The following SUSD1 variants were observed in gnomAD, a reference collection of about 807,000 sequenced individuals.
SUSD1 encodes the protein sushi domain-containing protein 1.
A neutral mutation model predicts 86.9 loss-of-function variants in SUSD1; 65 were observed. The observed-to-expected ratio is 0.75, with a 90% CI of 0.61 to 0.92. The LOEUF (loss-of-function observed/expected upper bound fraction) is 0.92, where lower values mean the gene tolerates loss of function less well. Ranked by LOEUF, SUSD1 falls within the 40% of genes least tolerant of loss-of-function variation. The pLI is 0.00. For missense variants in SUSD1, 850 were observed against 929.7 expected (o/e 0.91, Z 1.11); for synonymous variants, 346 against 350.0 (o/e 0.99, Z 0.13).
intron 8 of SUSD1, among the ~76,000 whole-genome samples, chr9:112,110,734 CT>C (rs375078056): frequency 1.4e-3 from 208 of 145,100 alleles, no homozygotes; most frequent in Admixed American, 2.6e-3. Context: ...ATAACCAGAG[CT>C]TTTTTTTTTT....
At chr9:112,124,885 T>A (rs1346950232) in intron 5 of SUSD1, among the ~76,000 whole-genome samples, 3 of 152,204 alleles carry the variant, frequency 2.0e-5, no homozygotes, top group Non-Finnish European at 4.4e-5. Context: ...TCAACTTATA[T>A]GCATCTTTCA....
intron 10 of SUSD1, among the ~76,000 whole-genome samples, chr9:112,092,573 T>C (rs1830246225): frequency 6.6e-6 from 1 of 152,236 alleles, no homozygotes; most frequent in South Asian, 2.1e-4. Context: ...GAATTATTCT[T>C]AACCTTATTC....
intron 5 of SUSD1, among the ~76,000 whole-genome samples, chr9:112,140,031 G>T (rs1279059492): frequency 1.3e-5 from 2 of 151,950 alleles, no homozygotes; most frequent in Non-Finnish European, 2.9e-5. Flanking sequence ...TTCAAGACCA[G>T]CCTGGGCAAC....
chr9:112,142,103 T>C (rs575377398), intron 5 of SUSD1, among the ~76,000 whole-genome samples: 1 of 151,734 alleles, frequency 6.6e-6, no homozygotes, highest in South Asian at 2.1e-4. Context: ...ATAACTATTA[T>C]AAAGAAAGAA....
chr9:112,148,415 G>A (rs992807431), intron 3 of SUSD1, among the ~76,000 whole-genome samples: 3 of 152,074 alleles, frequency 2.0e-5, no homozygotes, highest in African/African-American at 4.8e-5. Context: ...CTCACTCAGC[G>A]CACACATGTG....
At chr9:112,162,310 C>G (rs1347052340) in intron 1 of SUSD1, among the ~76,000 whole-genome samples, 1 of 152,154 alleles carries the variant, frequency 6.6e-6, no homozygotes, top group Non-Finnish European at 1.5e-5. Context: ...GAGGGAAACT[C>G]AAATTTCTAT....
chr9:112,173,911 T>C lies in SUSD1; in HGVS notation c.103+1222A>G, dbSNP rs1361114992. 1.1e-5 allele frequency: 3 copies of C among 261,878 alleles called. No homozygotes were observed. The Admixed American group carries it at 1.4e-4, about 12-fold the overall frequency. The allele number at this position is 261,878 out of a possible 1,614,324, so 16.2% of individuals were successfully genotyped here. A position where few individuals can be genotyped will look rare whatever the true frequency, so the allele number is the denominator to read the frequency against. ...TATCTTTGTGATCCGGGTTTCATGATGCCGTTTCTGTGCCATTTTCGGGAC... is the reference window on the plus strand; with the variant it reads ...TATCTTTGTGATCCGGGTTTCATGACGCCGTTTCTGTGCCATTTTCGGGAC... On this transcript the variant is annotated intron_variant, in intron 1 of 16. Coordinates refer to ENST00000374270, the MANE Select transcript of SUSD1 (RefSeq NM_022486.5).
At chr9:112,115,824 G>GAAAAAAAAAGAAAAA (rs1554766278) in intron 6 of SUSD1, among the ~76,000 whole-genome samples, 2 of 120,950 alleles carry the variant, frequency 1.7e-5, no homozygotes, top group Admixed American at 9.9e-5. Flanking sequence ...AAAAAAAAAA[G>GAAAAAAAAAGAAAAA]AAAAAAAAAA....
intron 10 of SUSD1, among the ~76,000 whole-genome samples, chr9:112,088,979 T>TCA (rs781250973): frequency 7.2e-5 from 11 of 152,210 alleles, no homozygotes; most frequent in Non-Finnish European, 1.6e-4. Context: ...CAGTGGCTTA[T>TCA]GCCTCTAGTC....
chr9:112,108,774 C>CAAAAA (rs11312103), intron 8 of SUSD1, among the ~76,000 whole-genome samples: 4 of 68,584 alleles, frequency 5.8e-5, no homozygotes, highest in Admixed American at 1.8e-4. Flanking sequence ...CTGGGTGTCT[C>CAAAAA]AAAAAAAAAA....
Position 112,124,346 on chromosome 9 carries a change from C to T in SUSD1, c.797G>A (p.Cys266Tyr). The change falls in exon 6 of 17, where the codon TGT becomes TAT. Residue 266 changes from cysteine (C) to tyrosine (Y), a missense_variant. Cys to Tyr is a radical substitution (Grantham distance 194, BLOSUM62 -2). Coordinates refer to ENST00000374270, the MANE Select transcript of SUSD1 (RefSeq NM_022486.5). ...SRLGGVARYV[C>Y]QEGFESPGGK... Reference sequence around the variant, plus strand: ...TCCAGGGCTCTCAAAGCCCTCTTGACAGACATAGCGAGCCACACCGCCCAG... The same window carrying T: ...TCCAGGGCTCTCAAAGCCCTCTTGATAGACATAGCGAGCCACACCGCCCAG... 1.9e-6 allele frequency: 3 copies of T among 1,614,182 alleles called. No homozygotes were observed. The highest frequency in any genetic ancestry group is 2.5e-6 in the Non-Finnish European group (3 of 1,180,012).
At chr9:112,142,571 C>T (rs1034680363) in intron 4 of SUSD1, 72 bp from the exon 5 acceptor site, 6 of 1,462,990 alleles carry the variant, frequency 4.1e-6, no homozygotes, top group Middle Eastern at 2.2e-4. Flanking sequence ...CTCTCTCCAC[C>T]TCTACCCTAT....
At chr9:112,172,282 C>A (rs1157579072) in intron 1 of SUSD1, among the ~76,000 whole-genome samples, 1 of 152,160 alleles carries the variant, frequency 6.6e-6, no homozygotes, top group African/African-American at 2.4e-5. Flanking sequence ...CACCCTCTCT[C>A]CTCTACTAGC....
chr9:112,099,732 A>G (rs971851861), intron 9 of SUSD1, among the ~76,000 whole-genome samples: 3 of 152,164 alleles, frequency 2.0e-5, no homozygotes, highest in Non-Finnish European at 4.4e-5. Context: ...TGCTAGCACC[A>G]TTGTCTATAC....
intron 1 of SUSD1, among the ~76,000 whole-genome samples, chr9:112,169,571 T>C (rs1207681442): frequency 6.6e-6 from 1 of 151,966 alleles, no homozygotes; most frequent in Non-Finnish European, 1.5e-5. Flanking sequence ...GTGCCATTCA[T>C]TTACGCCACA....
intron 12 of SUSD1, among the ~76,000 whole-genome samples, chr9:112,063,857 A>G (rs1004276467): frequency 6.6e-6 from 1 of 152,046 alleles, no homozygotes; most frequent in Non-Finnish European, 1.5e-5. Context: ...TACCAAGTGG[A>G]TGATGTTTAT....
intron 12 of SUSD1, among the ~76,000 whole-genome samples, chr9:112,078,173 C>T (rs1404110375): frequency 2.6e-5 from 4 of 152,046 alleles, no homozygotes; most frequent in African/African-American, 4.8e-5. Context: ...AGTGAAACCC[C>T]GTCTCTACAA....
Position 112,049,875 on chromosome 9 carries a change from C to T in SUSD1, c.2149+2524G>A, listed in dbSNP as rs147682681. ...CAAACTCTCCTTCAATATTGGTTCT[C>T]AAGCTGAGGGGAAACCAGAGCACTG... On this transcript the variant is annotated intron_variant, in intron 15 of 16. Coordinates refer to ENST00000374270, the MANE Select transcript of SUSD1 (RefSeq NM_022486.5). Among the ~76,000 whole-genome samples, 511 of 152,282 alleles carry T rather than the reference C, an allele frequency of 3.4e-3. 3 individuals carry two copies. The highest frequency in any genetic ancestry group is 0.011 in the African/African-American group (469 of 41,544).
At chr9:112,164,430 A>C (rs184726884) in intron 1 of SUSD1, among the ~76,000 whole-genome samples, 210 of 150,984 alleles carry the variant, frequency 1.4e-3, no homozygotes, top group Non-Finnish European at 2.5e-3. Context: ...AAGTGCATTC[A>C]AATCACCTCG....
Sources: allele counts gnomAD v4.1 joint callset (sites outside exome capture counted in the v4.1 genomes callset), GRCh38; gene constraint gnomAD v4.1.1; transcripts MANE v1.5; gene names NCBI Gene and HGNC (gene_info 2026-07-23, HGNC 2026-07-21).